Variants in PTGFRN observed in about 807,000 individuals in gnomAD.
The protein encoded by PTGFRN is prostaglandin F2 receptor negative regulator.
Under a neutral mutation model 83.2 loss-of-function variants are expected in PTGFRN, and 35 were observed. That is an observed-to-expected ratio of 0.42 (90% CI 0.32 to 0.56). The LOEUF is 0.56. Ranked by LOEUF, PTGFRN falls within the 20% of genes least tolerant of loss-of-function variation. The pLI, the probability that PTGFRN is intolerant of heterozygous loss-of-function variation, is 0.11. For missense variants in PTGFRN, 1,051 were observed against 1,179.5 expected (o/e 0.89, Z 1.60); for synonymous variants, 519 against 498.6 (o/e 1.04, Z -0.55).
At chr1:116,944,656 G>T in intron 2 of PTGFRN, 23 bp from the exon 3 acceptor site, 1 of 1,403,400 alleles carries the variant, frequency 7.1e-7, no homozygotes, top group South Asian at 1.8e-5. Context: ...ACGGGCTACT[G>T]ACCTAGCTTT....
intron 1 of PTGFRN, among the ~76,000 whole-genome samples, chr1:116,921,550 A>C (rs538925020): frequency 1.3e-5 from 2 of 152,308 alleles, no homozygotes; most frequent in African/African-American, 4.8e-5. Context: ...AAGTAAAAAC[A>C]GTTATGACCC....
chr1:116,983,014 ATG>A (rs562614715), intron 7 of PTGFRN, among the ~76,000 whole-genome samples: 180 of 152,250 alleles, frequency 1.2e-3, no homozygotes, highest in African/African-American at 4.1e-3. Flanking sequence ...GTGTAGGAGC[ATG>A]TGTGTTGAGC....
At chr1:116,972,921 G>A (rs1651045409) in intron 6 of PTGFRN, among the ~76,000 whole-genome samples, 1 of 152,110 alleles carries the variant, frequency 6.6e-6, no homozygotes, top group Non-Finnish European at 1.5e-5. Flanking sequence ...GGGTTTTTTT[G>A]TTTTGTTTTT....
At chr1:116,912,836 G>C (rs1649304944) in intron 1 of PTGFRN, among the ~76,000 whole-genome samples, 1 of 152,062 alleles carries the variant, frequency 6.6e-6, no homozygotes, top group South Asian at 2.1e-4. Context: ...TAAACCTTCT[G>C]GCCCCTTCTA....
Position 116,923,569 on chromosome 1 carries a change from T to C in PTGFRN, c.49+13317T>C, listed in dbSNP as rs565883756. ...GCCTCCACCCCTTCCCTTTGCAGGA[T>C]TGATACAACCGTTTCCACCCCAGAA... On this transcript the variant is annotated intron_variant, in intron 1 of 8. Transcript: ENST00000393203. The surrounding 1 kb of genome is among the most constrained non-coding windows in gnomAD (Gnocchi z 4.0). Among the ~76,000 whole-genome samples the C allele has an allele frequency of 1.8e-3, 280 of 152,336 alleles. 16 individuals are homozygous for C. Among genetic ancestry groups the C allele is most frequent in the South Asian group, 0.011 (51 of 4,826 alleles).
intron 1 of PTGFRN, among the ~76,000 whole-genome samples, chr1:116,920,232 G>GTTC (rs1649505233): frequency 6.6e-6 from 1 of 152,238 alleles, no homozygotes; most frequent in Non-Finnish European, 1.5e-5. Flanking sequence ...TTTCCCTGTG[G>GTTC]TTCTCTAGGG....
chr1:116,976,201 C>G lies in PTGFRN; in HGVS notation c.2167+1878C>G, dbSNP rs1253156137. Among the ~76,000 whole-genome samples the G allele has an allele frequency of 4.6e-5, 7 of 152,180 alleles. No homozygotes were observed. In the East Asian group the frequency reaches 1.3e-3, roughly 29 times the overall value. ...AAGAGTAAAAAGAAATGAACAAAGC[C>G]TCCAAGAAATATGGGACTATGTGAA... On this transcript the variant is annotated intron_variant, in intron 7 of 8. Coordinates refer to ENST00000393203, the MANE Select transcript of PTGFRN (RefSeq NM_020440.4).
intron 1 of PTGFRN, among the ~76,000 whole-genome samples, chr1:116,920,124 A>G (rs944833963): frequency 4.6e-5 from 7 of 152,306 alleles, no homozygotes; most frequent in Non-Finnish European, 1.0e-4. Context: ...GCCTCTTCAC[A>G]ACAGTGGGTT....
chr1:116,967,482 C>A, intron 6 of PTGFRN, 152 bp downstream of exon 6: 1 of 851,766 alleles, frequency 1.2e-6, no homozygotes, highest in Non-Finnish European at 1.7e-6. Flanking sequence ...AGTGGCTTTT[C>A]ATATATTCAC....
chr1:116,927,031 A>G (rs1649676872), intron 1 of PTGFRN, among the ~76,000 whole-genome samples: 1 of 152,174 alleles, frequency 6.6e-6, no homozygotes, highest in Non-Finnish European at 1.5e-5. Flanking sequence ...ATTGCAGCCA[A>G]GCATCTAGTG....
rs191852411 is a variant in PTGFRN at position 116,985,258 on chromosome 1, T to C, written c.2473+273T>C. Reference sequence around the variant, plus strand: ...AGGCTTTGCCTCTTCCATAAATTTATAGAAACTCGCTTTATGGTGTCCGAG... The same window carrying C: ...AGGCTTTGCCTCTTCCATAAATTTACAGAAACTCGCTTTATGGTGTCCGAG... On this transcript the variant is annotated intron_variant, in intron 8 of 8. Transcript: ENST00000393203. 4.6e-5 allele frequency among the ~76,000 whole-genome samples: 7 copies of C among 152,330 alleles called. No homozygotes were observed. In the East Asian group the frequency reaches 1.4e-3, roughly 29 times the overall value.
At chr1:116,917,438 G>A (rs576451300) in intron 1 of PTGFRN, among the ~76,000 whole-genome samples, 3 of 152,250 alleles carry the variant, frequency 2.0e-5, no homozygotes, top group South Asian at 2.1e-4. Flanking sequence ...GCACAGGGGG[G>A]TTGGGGTGCA....
At chr1:116,940,525 G>A (rs1650034479) in intron 1 of PTGFRN, among the ~76,000 whole-genome samples, 1 of 152,152 alleles carries the variant, frequency 6.6e-6, no homozygotes, top group Non-Finnish European at 1.5e-5. Context: ...CTGGGGTACT[G>A]GGGGCTAGAA....
At chr1:116,913,605 T>C (rs984881406) in intron 1 of PTGFRN, among the ~76,000 whole-genome samples, 5 of 152,176 alleles carry the variant, frequency 3.3e-5, no homozygotes, top group Non-Finnish European at 7.3e-5. Context: ...CTTCATTGTA[T>C]GTAATTGTTC....
chr1:116,944,727 G>C lies in PTGFRN; in HGVS notation c.467G>C (p.Ser156Thr), dbSNP rs1650144517. The C allele has an allele frequency of 6.8e-7, 1 of 1,470,160 alleles. No individual in the cohort carries two copies. Among genetic ancestry groups the C allele is most frequent in the Non-Finnish European group, 8.9e-7 (1 of 1,118,808 alleles). 91.1% of individuals were successfully genotyped at this position (1,470,160 alleles called of 1,614,324 possible). A position where few individuals can be genotyped will look rare whatever the true frequency, so the allele number is the denominator to read the frequency against. ...HVGPSARPPPSLSLREGEPFE... is the reference protein window; with the variant it reads ...HVGPSARPPPTLSLREGEPFE... The stretch of plus-strand genomic sequence containing the variant: ...GGCCCCAGCGCGCGGCCCCCGCCGA[G>C]CCTGAGCCTGCGGGAGGGGGAGCCC... Residue 156 changes from serine to threonine, a missense_variant, in exon 3 of 9, where the codon AGC (serine) becomes ACC (threonine). Physicochemically the swap from Ser to Thr is moderately conservative, Grantham distance 58. Around this residue, in one of 3 missense-constraint regions of PTGFRN, gnomAD observed 205 missense variants for 174.5 expected, o/e 1.17. Coordinates refer to ENST00000393203, the MANE Select transcript of PTGFRN (RefSeq NM_020440.4).
chr1:116,948,194 C>T (rs568147318), intron 3 of PTGFRN, among the ~76,000 whole-genome samples: 43 of 152,216 alleles, frequency 2.8e-4, no homozygotes, highest in African/African-American at 5.3e-4. Context: ...TAATTGTTCC[C>T]GGACATTTCA....
At chr1:116,980,453 C>T (rs1415521719) in intron 7 of PTGFRN, among the ~76,000 whole-genome samples, 4 of 152,162 alleles carry the variant, frequency 2.6e-5, no homozygotes, top group Non-Finnish European at 5.9e-5. Flanking sequence ...TTGGAACCAA[C>T]CCAAATGTCC....
At chr1:116,937,190 G>T (rs1019293071) in intron 1 of PTGFRN, among the ~76,000 whole-genome samples, 1 of 152,168 alleles carries the variant, frequency 6.6e-6, no homozygotes, top group African/African-American at 2.4e-5. Flanking sequence ...GCAGAGCATG[G>T]CTGGAGTATA....
intron 5 of PTGFRN, among the ~76,000 whole-genome samples, chr1:116,964,837 T>G (rs895823171): frequency 2.0e-5 from 3 of 152,264 alleles, no homozygotes; most frequent in African/African-American, 7.2e-5. Context: ...TAAAATTGAC[T>G]TAGAATCTGG....
Sources: allele counts gnomAD v4.1 joint callset (sites outside exome capture counted in the v4.1 genomes callset), GRCh38; gene constraint gnomAD v4.1.1; regional missense constraint gnomAD v4.1.1; non-coding constraint Gnocchi (gnomAD v3.1); transcripts MANE v1.5; gene names NCBI Gene and HGNC (gene_info 2026-07-23, HGNC 2026-07-21).